The following GRIN3A variants were observed in gnomAD, a reference collection of about 807,000 sequenced individuals.
GRIN3A encodes the protein glutamate receptor ionotropic, NMDA 3A.
Under a neutral mutation model 92.4 loss-of-function variants are expected in GRIN3A, and 47 were observed. That is an observed-to-expected ratio of 0.51 (90% CI 0.40 to 0.65). The LOEUF is 0.65. GRIN3A is among the 30% of genes least tolerant of loss of function. The probability of loss-of-function intolerance (pLI) is 0.00; values close to 1 mark genes in which losing one functional copy is unlikely to be tolerated. For missense variants in GRIN3A, 1,324 were observed against 1,393.1 expected (o/e 0.95, Z 0.79); for synonymous variants, 527 against 540.6 (o/e 0.97, Z 0.35).
chr9:101,631,955 C>T (rs1479560177), intron 3 of GRIN3A, among the ~76,000 whole-genome samples: 1 of 152,160 alleles, frequency 6.6e-6, no homozygotes, highest in Non-Finnish European at 1.5e-5. Flanking sequence ...TTGCTTAATG[C>T]CCATCAATGG....
chr9:101,678,791 G>A (rs1254793738), intron 2 of GRIN3A, among the ~76,000 whole-genome samples: 1 of 152,136 alleles, frequency 6.6e-6, no homozygotes, highest in South Asian at 2.1e-4. Flanking sequence ...ACACAGACAT[G>A]GTAATCTCTT....
At chr9:101,690,413 G>A (rs977878403) in intron 1 of GRIN3A, among the ~76,000 whole-genome samples, 4 of 152,096 alleles carry the variant, frequency 2.6e-5, no homozygotes, top group Non-Finnish European at 1.5e-5. Flanking sequence ...GTTAGACATT[G>A]TTTCAGAGCC....
chr9:101,631,539 T>G (rs1828709413), intron 3 of GRIN3A, among the ~76,000 whole-genome samples: 1 of 152,208 alleles, frequency 6.6e-6, no homozygotes, highest in East Asian at 1.9e-4. Context: ...CTTTTCTGAA[T>G]GCACCAGCAC....
chr9:101,641,690 T>G (rs1215738708), intron 3 of GRIN3A, among the ~76,000 whole-genome samples: 1 of 151,346 alleles, frequency 6.6e-6, no homozygotes, highest in Admixed American at 6.6e-5. Flanking sequence ...AAATGACGAG[T>G]TAATGGGTGC....
intron 3 of GRIN3A, among the ~76,000 whole-genome samples, chr9:101,641,769 TTA>T (rs1476335690): frequency 6.6e-6 from 1 of 150,394 alleles, no homozygotes; most frequent in Non-Finnish European, 1.5e-5. Flanking sequence ...ACCCTAAAAC[TTA>T]AAGTATAATA....
intron 6 of GRIN3A, chr9:101,603,177 G>C (rs1053312314): frequency 6.6e-6 from 1 of 152,246 alleles, no homozygotes; most frequent in African/African-American, 2.4e-5. Flanking sequence ...ACATAAAAGA[G>C]TGTTTATCTC....
chr9:101,729,718 A>C (rs565600296), intron 1 of GRIN3A, among the ~76,000 whole-genome samples: 1 of 152,154 alleles, frequency 6.6e-6, no homozygotes, highest in South Asian at 2.1e-4. Flanking sequence ...ACTCAGCCCT[A>C]CCACACCAAA....
chr9:101,602,377 G>C (rs551368433), intron 6 of GRIN3A, among the ~76,000 whole-genome samples: 285 of 152,132 alleles, frequency 1.9e-3, no homozygotes, highest in African/African-American at 6.2e-3. Context: ...TGCTTTCTCC[G>C]CTTTCTTCAA....
intron 1 of GRIN3A, among the ~76,000 whole-genome samples, chr9:101,694,250 A>G (rs906079654): frequency 1.4e-4 from 22 of 152,168 alleles, no homozygotes; most frequent in African/African-American, 5.3e-4. Context: ...CAGCCAGCTT[A>G]TTTATTCATA....
At chr9:101,590,686 CTT>C (rs997186256) in intron 6 of GRIN3A, among the ~76,000 whole-genome samples, 13 of 152,182 alleles carry the variant, frequency 8.5e-5, no homozygotes, top group African/African-American at 2.9e-4. Context: ...GGCCAACACT[CTT>C]TTTAAAAACA....
At position 101,738,340 on chromosome 9, in the gene GRIN3A, A is replaced by C; in HGVS notation, c.-361T>G. On this transcript the variant is annotated 5_prime_UTR_variant, in exon 1 of 9. Transcript: ENST00000361820. ...CCGGCCCCGCGAGGCGGCCGGGATG[A>C]GAAGCAGCCGGAGTTCCTCGGGGGC... 1 of 308,682 alleles carries C rather than the reference A, an allele frequency of 3.2e-6. No individual in the cohort carries two copies. 19.1% of individuals were successfully genotyped at this position (308,682 alleles called of 1,614,324 possible).
intron 2 of GRIN3A, among the ~76,000 whole-genome samples, chr9:101,675,182 A>T (rs1187832202): frequency 2.0e-5 from 3 of 151,996 alleles, no homozygotes; most frequent in African/African-American, 7.2e-5. Flanking sequence ...TTTTTTATCA[A>T]CAAACCTCCC....
chr9:101,623,312 T>G lies in GRIN3A; in HGVS notation c.2614+6A>C. 6.3e-7 allele frequency: 1 copy of G among 1,581,836 alleles called. No homozygotes were observed. Among genetic ancestry groups the G allele is most frequent in the Non-Finnish European group, 8.7e-7 (1 of 1,150,582 alleles). ...TAAAAGTGAATCAAGAGTGACTGAT[T>G]AATACCTTCTATGGCAAATGGCTTC... On this transcript the variant is annotated splice_donor_region_variant and intron_variant, in intron 5 of 8. Coordinates refer to ENST00000361820, the MANE Select transcript of GRIN3A (RefSeq NM_133445.3).
chr9:101,605,982 A>C (rs1167101102), intron 6 of GRIN3A, among the ~76,000 whole-genome samples: 1 of 152,180 alleles, frequency 6.6e-6, no homozygotes, highest in Non-Finnish European at 1.5e-5. Context: ...AATTTTCTCA[A>C]GGACATAGAA....
intron 2 of GRIN3A, among the ~76,000 whole-genome samples, chr9:101,671,798 C>G (rs953470688): frequency 6.6e-6 from 1 of 152,132 alleles, no homozygotes; most frequent in African/African-American, 2.4e-5. Flanking sequence ...AGGCTAGCCT[C>G]CCTCCAAGTC....
At chr9:101,635,971 G>A (rs71509736) in intron 3 of GRIN3A, among the ~76,000 whole-genome samples, 10,025 of 152,098 alleles carry the variant, frequency 0.066, 482 homozygotes, top group East Asian at 0.17. Context: ...TGCAACCTCC[G>A]TCTCCTGGAT....
At chr9:101,683,847 T>TGAGAGAGAGAGAGA (rs55960998) in intron 2 of GRIN3A, among the ~76,000 whole-genome samples, 25 of 136,288 alleles carry the variant, frequency 1.8e-4, no homozygotes, top group South Asian at 4.6e-4. Context: ...AGAGAGACAG[T>TGAGAGAGAGAGAGA]GAGAGAGAGA....
Position 101,573,469 on chromosome 9 carries a change from T to C in GRIN3A, c.3053A>G (p.Asn1018Ser), listed in dbSNP as rs1250569796. The C allele has an allele frequency of 6.2e-7, 1 of 1,614,048 alleles. No homozygotes were observed. Among genetic ancestry groups the C allele is most frequent in the Admixed American group, 1.7e-5 (1 of 60,014 alleles). Residue 1018 changes from asparagine (N) to serine (S), a missense_variant, in exon 9 of 9, where the codon AAT (asparagine) becomes AGT (serine). Transcript: ENST00000361820. ...PRQLTVWNTS[N>S]LSHDNRRKYI... is the part of the protein sequence containing the mutation. ...TTTCCGTCGGTTGTCATGACTCAGA[T>C]TGGAAGTATTCCATACGGTAAGCTG...
At chr9:101,583,300 T>C (rs1827912589) in intron 6 of GRIN3A, among the ~76,000 whole-genome samples, 1 of 152,228 alleles carries the variant, frequency 6.6e-6, no homozygotes. Flanking sequence ...CAATTTTTTA[T>C]TTAAAACTCA....
Sources: gnomAD v4.1 joint callset for allele counts (sites outside exome capture counted in the v4.1 genomes callset) on GRCh38, gnomAD v4.1.1 for gene constraint, MANE v1.5 for transcripts, NCBI Gene and HGNC (gene_info 2026-07-23, HGNC 2026-07-21) for gene names.